Variants in B3GALNT2 observed in about 807,000 individuals in gnomAD.
The protein encoded by B3GALNT2 is beta-1,3-N-acetylgalactosaminyltransferase 2, also known as UDP-GalNAc:beta-1,3-N-acetylgalactosaminyltransferase 2.
Under a neutral mutation model 61.1 loss-of-function variants are expected in B3GALNT2, and 53 were observed. The ratio of observed to expected loss-of-function variants is 0.87; its 90% CI spans 0.70 to 1.09. The LOEUF (loss-of-function observed/expected upper bound fraction) is 1.09, where lower values mean the gene tolerates loss of function less well. Ranked by LOEUF, B3GALNT2 falls within the 50% of genes least tolerant of loss-of-function variation. The probability of loss-of-function intolerance (pLI) is 0.00; values close to 1 mark genes in which losing one functional copy is unlikely to be tolerated. For synonymous variants in B3GALNT2, 223 were observed against 237.4 expected, an observed-to-expected ratio of 0.94 and a Z score of 0.56; for missense variants, 544 against 623.0, an observed-to-expected ratio of 0.87 and a Z score of 1.35.
chr1:235,470,487 G>T (rs1683936465), intron 6 of B3GALNT2, among the ~76,000 whole-genome samples: 1 of 150,084 alleles, frequency 6.7e-6, no homozygotes, highest in African/African-American at 2.5e-5. Context: ...AGCTACATGG[G>T]AGGATTGTTT....
At chr1:235,440,222 G>A in the B3GALNT2 span, among the ~76,000 whole-genome samples, 1 of 152,116 alleles carries the variant, frequency 6.6e-6, no homozygotes, top group South Asian at 2.1e-4. Flanking sequence ...CACCCACCTT[G>A]GCCTCCCAGA....
intron 2 of B3GALNT2, 55 bp from the exon 3 acceptor site, chr1:235,489,323 C>T: frequency 1.9e-6 from 3 of 1,603,002 alleles, no homozygotes; most frequent in Admixed American, 1.7e-5. Context: ...CGCACATGCA[C>T]GTTTCCTCAT....
In B3GALNT2 at chr1:235,447,671, A is replaced by G. The variant is rs1156494305; in HGVS notation, c.*2535T>C. Among the ~76,000 whole-genome samples, 1 of 152,218 alleles carries G rather than the reference A, an allele frequency of 6.6e-6. No homozygotes were observed. The highest frequency in any genetic ancestry group is 1.9e-4 in the East Asian group (1 of 5,202). ...TTCCAGTGTTCGTTCAGTAATTCAT[A>G]AGGAAGTCATCATAAAGGTTTAAAA... is the stretch of plus-strand genomic sequence containing the variant. On this transcript the variant is annotated 3_prime_UTR_variant, in exon 12 of 12. Coordinates refer to ENST00000366600, the MANE Select transcript of B3GALNT2 (RefSeq NM_152490.5).
intron 7 of B3GALNT2, among the ~76,000 whole-genome samples, chr1:235,460,866 C>T (rs1332450468): frequency 6.6e-6 from 1 of 152,150 alleles, no homozygotes; most frequent in African/African-American, 2.4e-5. Flanking sequence ...GGACTACAGG[C>T]GAGAGCCACT....
chr1:235,478,565 C>T (rs1292060442), intron 5 of B3GALNT2, among the ~76,000 whole-genome samples: 1 of 152,196 alleles, frequency 6.6e-6, no homozygotes, highest in African/African-American at 2.4e-5. Context: ...CCCAACAATT[C>T]ATCCTAAGAA....
At chr1:235,479,043 G>A (rs167092) in intron 5 of B3GALNT2, 108,632 of 152,092 alleles carry the variant, frequency 0.71, 39,384 homozygotes, top group African/African-American at 0.84. Flanking sequence ...TTAAAATGGA[G>A]GTTCAGATAC....
chr1:235,460,971 C>T (rs376224660), intron 7 of B3GALNT2, among the ~76,000 whole-genome samples: 14 of 152,318 alleles, frequency 9.2e-5, no homozygotes, highest in African/African-American at 3.1e-4. Flanking sequence ...TCACTTGTCA[C>T]GTGTGCAGGG....
intron 1 of B3GALNT2, among the ~76,000 whole-genome samples, chr1:235,495,214 T>C (rs60485784): frequency 0.022 from 3,299 of 152,316 alleles, 132 homozygotes; most frequent in African/African-American, 0.075. Context: ...ATTTAGCTTC[T>C]TGAGCCTCAG....
chr1:235,503,394 C>G (rs776008498), intron 1 of B3GALNT2, among the ~76,000 whole-genome samples: 1 of 152,202 alleles, frequency 6.6e-6, no homozygotes, highest in Non-Finnish European at 1.5e-5. Flanking sequence ...GTAAGTAAAG[C>G]ATTCTATTAG....
chr1:235,456,173 T>C (rs572763832), intron 8 of B3GALNT2, among the ~76,000 whole-genome samples: 27 of 152,340 alleles, frequency 1.8e-4, no homozygotes, highest in Non-Finnish European at 2.9e-4. Context: ...TAAAAAAACC[T>C]GACTTATTAC....
intron 3 of B3GALNT2, among the ~76,000 whole-genome samples, chr1:235,486,755 A>G (rs1347120928): frequency 6.6e-6 from 1 of 152,230 alleles, no homozygotes; most frequent in East Asian, 1.9e-4. Context: ...AATATGGTTA[A>G]TTTAAAAGTG....
chr1:235,459,790 G>A (rs891258372), intron 7 of B3GALNT2, among the ~76,000 whole-genome samples: 2 of 151,944 alleles, frequency 1.3e-5, no homozygotes, highest in African/African-American at 4.8e-5. Context: ...TACCTACAAT[G>A]TTTTCTTTTT....
chr1:235,496,307 A>T, intron 1 of B3GALNT2: 1 of 882,736 alleles, frequency 1.1e-6, no homozygotes, highest in Non-Finnish European at 1.4e-6. Flanking sequence ...GTGAGACTCC[A>T]CCTGAAAAAA....
chr1:235,480,131 G>A lies in B3GALNT2; in HGVS notation c.574C>T (p.Arg192Cys), dbSNP rs144258088. The stretch of plus-strand genomic sequence containing the variant: ...ACACCACAGCTTGGAGGACTGAAGC[G>A]AGCAATGAAGAGGGCCTCCTACAAA... ...AEQEEALFIA[R>C]FSPPSCGVQV... Residue 192 changes from arginine (R) to cysteine (C), a missense_variant, in exon 5 of 12, where the codon CGC becomes TGC. Transcript: ENST00000366600. The A allele has an allele frequency of 1.2e-4, 190 of 1,613,612 alleles. No homozygotes were observed. Among genetic ancestry groups the A allele is most frequent in the Non-Finnish European group, 1.5e-4 (179 of 1,179,756 alleles).
At chr1:235,461,932 C>T (rs540472082) in intron 7 of B3GALNT2, among the ~76,000 whole-genome samples, 1 of 152,310 alleles carries the variant, frequency 6.6e-6, no homozygotes, top group South Asian at 2.1e-4. Flanking sequence ...CATGTGACTA[C>T]AGTCTTGTGA....
chr1:235,448,845 T>A lies in B3GALNT2; in HGVS notation c.*1361A>T. On this transcript the variant is annotated 3_prime_UTR_variant, in exon 12 of 12. Transcript: ENST00000366600. ...AATAAATGATTCACTGGAACAATTC[T>A]ACTGTCAAAACAAAGGGGGTTTACA... 1 of 1,056,262 alleles carries A rather than the reference T, an allele frequency of 9.5e-7. No individual in the cohort carries two copies. The highest frequency in any genetic ancestry group is 1.5e-6 in the Non-Finnish European group (1 of 688,822). The allele number at this position is 1,056,262 out of a possible 1,614,324, so 65.4% of individuals were successfully genotyped here. A position where few individuals can be genotyped will look rare whatever the true frequency, so the allele number is the denominator to read the frequency against.
chr1:235,474,965 ATATATATATATATATATATATAT>A lies in B3GALNT2; in HGVS notation c.652-4028_652-4006del, dbSNP rs1228651099. On this transcript the variant is annotated intron_variant, in intron 5 of 11. Transcript: ENST00000366600. ...AAATTAGAGACATATATATATATAT[ATATATATATATATATATATATAT>A]TTTTTTTTTTTTTTTTTTTTTTGAG... 5.0e-3 allele frequency among the ~76,000 whole-genome samples: 119 copies of A among 24,034 alleles called. 1 individual carries two copies. The highest frequency in any genetic ancestry group is 6.2e-3 in the Non-Finnish European group (85 of 13,744). 15.8% of individuals were successfully genotyped at this position (24,034 alleles called of 152,430 possible). A position where few individuals can be genotyped will look rare whatever the true frequency, so the allele number is the denominator to read the frequency against.
rs375930114 is a variant in B3GALNT2, at chr1:235,487,795, T to C, written c.361+1373A>G. On this transcript the variant is annotated intron_variant, in intron 3 of 11. Transcript: ENST00000366600. ...AGGATCAGCTTTCTTTCGTTGTCTT[T>C]GTTTTTGAGACAGGGTCTCGCTCTG... is the stretch of plus-strand genomic sequence containing the variant. 1.8e-4 allele frequency among the ~76,000 whole-genome samples: 27 copies of C among 152,280 alleles called. 1 individual carries two copies. Among genetic ancestry groups the C allele is most frequent in the African/African-American group, 6.5e-4 (27 of 41,552 alleles).
intron 1 of B3GALNT2, among the ~76,000 whole-genome samples, chr1:235,501,618 T>G (rs1284330114): frequency 6.6e-6 from 1 of 152,078 alleles, no homozygotes; most frequent in East Asian, 1.9e-4. Context: ...TGGCACAGAG[T>G]AGGCTCTCAA....
Sources: allele counts gnomAD v4.1 joint callset (sites outside exome capture counted in the v4.1 genomes callset), GRCh38; gene constraint gnomAD v4.1.1; transcripts MANE v1.5; gene names NCBI Gene and HGNC (gene_info 2026-07-23, HGNC 2026-07-21).